The following TTC23 variants were observed in gnomAD, a reference collection of about 807,000 sequenced individuals.
TTC23 encodes tetratricopeptide repeat protein 23.
In TTC23, 58 loss-of-function variants were observed where a neutral mutation model predicts 55.1. That is an observed-to-expected ratio of 1.05 (90% CI 0.85 to 1.31). The LOEUF is 1.31. Ranked by LOEUF, TTC23 falls within the 50% of genes most tolerant of loss-of-function variation. The pLI is 0.00. For synonymous variants in TTC23, 203 were observed against 199.9 expected (o/e 1.02, Z -0.13); for missense variants, 516 against 534.4 (o/e 0.97, Z 0.34).
intron 12 of TTC23, among the ~76,000 whole-genome samples, chr15:99,148,360 CAAAAAAAAAAA>C (rs57733522): frequency 2.6e-4 from 8 of 30,420 alleles, no homozygotes; most frequent in African/African-American, 4.5e-4. Context: ...GACTCTGTAC[CAAAAAAAAAAA>C]AAAAAAAAAA....
intron 10 of TTC23, among the ~76,000 whole-genome samples, chr15:99,163,746 C>T (rs1436536513): frequency 6.6e-6 from 1 of 152,126 alleles, no homozygotes. Context: ...TAAAATACAC[C>T]ATCAGAGAGT....
At chr15:99,156,355 T>C in intron 11 of TTC23, 58 bp from the exon 12 acceptor site, 1 of 1,589,370 alleles carries the variant, frequency 6.3e-7, no homozygotes, top group Non-Finnish European at 8.6e-7. Flanking sequence ...TTAGGATCAT[T>C]ACGCAACTTG....
At chr15:99,238,570 G>C (rs1363257670) in intron 3 of TTC23, among the ~76,000 whole-genome samples, 3 of 152,164 alleles carry the variant, frequency 2.0e-5, no homozygotes, top group Non-Finnish European at 4.4e-5. Flanking sequence ...AATTACAAAA[G>C]GCTTGGAAGT....
chr15:99,144,241 C>T (rs1485590430), intron 12 of TTC23, among the ~76,000 whole-genome samples: 8 of 152,170 alleles, frequency 5.3e-5, no homozygotes, highest in African/African-American at 1.2e-4. Flanking sequence ...GGATAGGTGC[C>T]GTCAGTTAGC....
intron 11 of TTC23, 122 bp downstream of exon 11, chr15:99,161,618 C>T: frequency 1.7e-6 from 2 of 1,150,844 alleles, no homozygotes; most frequent in Non-Finnish European, 2.4e-6. Context: ...TTATGTGTCC[C>T]TCTAGAGACT....
chr15:99,230,001 G>A (rs1281479546), intron 4 of TTC23, among the ~76,000 whole-genome samples: 5 of 152,148 alleles, frequency 3.3e-5, no homozygotes, highest in South Asian at 4.1e-4. Context: ...AACACCTAAC[G>A]AGGTAAAATT....
At chr15:99,246,381 C>T (rs974163160) in intron 1 of TTC23, among the ~76,000 whole-genome samples, 19 of 151,950 alleles carry the variant, frequency 1.3e-4, no homozygotes, top group Admixed American at 9.2e-4. Flanking sequence ...TTTGGGAGGC[C>T]GAGGTGGGCA....
In TTC23 at chr15:99,156,196, T is replaced by C. The variant is rs138499311; in HGVS notation, c.1095A>G (p.Ala365=). The C allele has an allele frequency of 4.5e-4, 727 of 1,614,250 alleles. 4 individuals carry two copies. In the African/African-American group the frequency reaches 9.1e-3, roughly 20 times the overall value. The change falls in exon 12 of 14, where the codon GCA becomes GCG. Residue 365 remains alanine (A), a synonymous_variant. Transcript: ENST00000394132. Reference sequence around the variant, plus strand: ...CACTGTGGTTCCCCTGCGCCAGGTCTGCTCCTCCCAGGAGCCGGTATGTCT... The same window carrying C: ...CACTGTGGTTCCCCTGCGCCAGGTCCGCTCCTCCCAGGAGCCGGTATGTCT... The part of the protein sequence containing the change: ...VAETYRLLGG[A]DLAQGNHSGA...
At chr15:99,217,348 G>A (rs1423736596) in intron 8 of TTC23, among the ~76,000 whole-genome samples, 1 of 151,902 alleles carries the variant, frequency 6.6e-6, no homozygotes, top group African/African-American at 2.4e-5. Context: ...AAGTAGAGAT[G>A]GGGTTTCACC....
chr15:99,165,482 T>A (rs763707514), intron 10 of TTC23, among the ~76,000 whole-genome samples: 35 of 152,266 alleles, frequency 2.3e-4, no homozygotes, highest in Non-Finnish European at 4.3e-4. Flanking sequence ...GTTATGTTCA[T>A]CTGCATGATT....
rs114614930 is a variant in TTC23, at chr15:99,197,548, C to A, written c.759+2371G>T. Among the ~76,000 whole-genome samples the A allele has an allele frequency of 9.4e-3, 1,422 of 152,036 alleles. 21 individuals carry two copies. Among genetic ancestry groups the A allele is most frequent in the African/African-American group, 0.033 (1,377 of 41,524 alleles). On this transcript the variant is annotated intron_variant, in intron 9 of 13. Coordinates refer to ENST00000394132, the MANE Select transcript of TTC23 (RefSeq NM_001288615.3). ...ACTATGTATCAGGCACTGTGCTAAG[C>A]TCTTTACAAACTTATTTATCCTCTC...
chr15:99,241,209 G>C (rs1048098965), intron 3 of TTC23, among the ~76,000 whole-genome samples, 156 bp downstream of exon 3: 5 of 152,062 alleles, frequency 3.3e-5, no homozygotes, highest in African/African-American at 1.2e-4. Context: ...CCAGCGACTC[G>C]GAGGCTGAGG....
intron 9 of TTC23, among the ~76,000 whole-genome samples, chr15:99,180,470 C>T (rs910948870): frequency 3.9e-5 from 6 of 152,194 alleles, no homozygotes; most frequent in African/African-American, 1.4e-4. Flanking sequence ...TCCTCAGTGC[C>T]AATCAAGCTG....
intron 3 of TTC23, among the ~76,000 whole-genome samples, chr15:99,239,518 T>A (rs1248699859): frequency 6.6e-6 from 1 of 151,762 alleles, no homozygotes; most frequent in Non-Finnish European, 1.5e-5. Context: ...AATAAACAAA[T>A]AAAAATAAAT....
intron 10 of TTC23, 45 bp from the exon 11 acceptor site, chr15:99,161,912 T>G (rs1220987503): frequency 1.9e-5 from 29 of 1,560,118 alleles, no homozygotes; most frequent in Non-Finnish European, 2.2e-5. Flanking sequence ...GCTCACAGAT[T>G]TGAAATGGAA....
intron 11 of TTC23, chr15:99,157,691 T>C (rs1291505351): frequency 3.3e-5 from 5 of 152,224 alleles, no homozygotes; most frequent in Non-Finnish European, 7.3e-5. Context: ...CATTCCAACA[T>C]GACATGACAT....
upstream of TTC23, chr15:99,251,087 A>AATGAATGT (rs1458388938): frequency 6.6e-6 from 1 of 152,186 alleles, no homozygotes; most frequent in Admixed American, 6.5e-5. Flanking sequence ...CGAGTGACTG[A>AATGAATGT]ATGAATGTAT....
chr15:99,161,800 G>C lies in TTC23; in HGVS notation c.933C>G (p.Thr311=). 1.2e-6 allele frequency: 2 copies of C among 1,613,416 alleles called. No individual in the cohort carries two copies. Among genetic ancestry groups the C allele is most frequent in the Non-Finnish European group, 1.7e-6 (2 of 1,179,828 alleles). ...ATTCATCTTGAATTGAAAGAAATTTGGTTCTTCCCATCCCTTCAGAATCCT... is the reference window on the plus strand; with the variant it reads ...ATTCATCTTGAATTGAAAGAAATTTCGTTCTTCCCATCCCTTCAGAATCCT... ...HLKDSEGMGR[T]KFLSIQDEFC... Residue 311 remains threonine, a synonymous_variant, in exon 11 of 14, where the codon ACC becomes ACG. Coordinates refer to ENST00000394132, the MANE Select transcript of TTC23 (RefSeq NM_001288615.3).
chr15:99,168,083 C>T lies in TTC23; in HGVS notation c.866-6216G>A, dbSNP rs556607306. On this transcript the variant is annotated intron_variant, in intron 10 of 13. Coordinates refer to ENST00000394132, the MANE Select transcript of TTC23 (RefSeq NM_001288615.3). ...AGAGACTCCTTCCTCACCCCAGAGC[C>T]TTCAGTGGTCCTCACAGGAGACCCT... 2.6e-5 allele frequency among the ~76,000 whole-genome samples: 4 copies of T among 152,328 alleles called. No individual in the cohort carries two copies. The South Asian group carries it at 8.3e-4, about 32-fold the overall frequency.
Sources: allele counts gnomAD v4.1 joint callset (sites outside exome capture counted in the v4.1 genomes callset), GRCh38; gene constraint gnomAD v4.1.1; transcripts MANE v1.5; gene names NCBI Gene and HGNC (gene_info 2026-07-23, HGNC 2026-07-21).